Variants in GPHN observed in about 807,000 individuals in gnomAD.
GPHN encodes the protein gephyrin.
GPHN carries 17 observed loss-of-function variants against 95.5 expected under a neutral mutation model. That is an observed-to-expected ratio of 0.18 (90% CI 0.12 to 0.27). The LOEUF is 0.27. Among genes scored for constraint, GPHN ranks in the 10% least tolerant of loss-of-function variants. The probability of loss-of-function intolerance (pLI) is 1.00; values close to 1 mark genes in which losing one functional copy is unlikely to be tolerated. For missense variants in GPHN, 660 were observed against 978.1 expected (o/e 0.67, Z 4.34); for synonymous variants, 320 against 322.5 (o/e 0.99, Z 0.08).
the GPHN span, among the ~76,000 whole-genome samples, chr14:67,251,299 G>A: frequency 2.6e-5 from 4 of 152,170 alleles, no homozygotes; most frequent in African/African-American, 4.8e-5. Flanking sequence ...TTTGGAGGCC[G>A]AGGCAGGAGG....
chr14:67,417,928 A>G, the GPHN span, among the ~76,000 whole-genome samples: 6 of 150,726 alleles, frequency 4.0e-5, no homozygotes, highest in African/African-American at 1.5e-4. Context: ...ATGTTTTTGT[A>G]GAGACAGAGG....
In GPHN at chr14:66,991,318, T is replaced by C. The variant is rs186863729; in HGVS notation, c.963+25993T>C. On this transcript the variant is annotated intron_variant, in intron 9 of 22. Coordinates refer to ENST00000478722, the MANE Select transcript of GPHN (RefSeq NM_020806.5). Reference sequence around the variant, plus strand: ...ACAAAAATTACTACAAATCCTTAGATTGGTGATGTGCTGATAGTAACTGAA... The same window carrying C: ...ACAAAAATTACTACAAATCCTTAGACTGGTGATGTGCTGATAGTAACTGAA... Among the ~76,000 whole-genome samples, 5 of 152,142 alleles carry C rather than the reference T, an allele frequency of 3.3e-5. No homozygotes were observed. The East Asian group carries it at 7.7e-4, about 24-fold the overall frequency.
chr14:66,545,328 CA>C (rs2059518889), intron 1 of GPHN, among the ~76,000 whole-genome samples: 1 of 129,968 alleles, frequency 7.7e-6, no homozygotes. Flanking sequence ...GCTGGCCGGG[CA>C]GGGGGCTGAC....
At chr14:67,425,737 C>T in the GPHN span, among the ~76,000 whole-genome samples, 1 of 151,950 alleles carries the variant, frequency 6.6e-6, no homozygotes, top group Non-Finnish European at 1.5e-5. Flanking sequence ...CACAGGGGAA[C>T]TGGACCTGCT....
chr14:67,695,561 G>A, the GPHN span: 22 of 1,479,548 alleles, frequency 1.5e-5, no homozygotes, highest in Non-Finnish European at 2.0e-5. Flanking sequence ...AAGCTTTGGT[G>A]GGGATTCTAT....
chr14:66,701,743 C>T (rs768808901), intron 2 of GPHN, among the ~76,000 whole-genome samples: 4 of 152,184 alleles, frequency 2.6e-5, no homozygotes, highest in Non-Finnish European at 5.9e-5. Context: ...TCAACAGCCT[C>T]TCAGCTAGAA....
chr14:67,298,848 C>T, the GPHN span, among the ~76,000 whole-genome samples: 2 of 152,136 alleles, frequency 1.3e-5, no homozygotes, highest in Non-Finnish European at 2.9e-5. Flanking sequence ...ATCCTCAGGC[C>T]CTATGAATAT....
intron 4 of GPHN, among the ~76,000 whole-genome samples, chr14:66,872,803 G>A (rs2063494389): frequency 6.6e-6 from 1 of 151,472 alleles, no homozygotes; most frequent in Non-Finnish European, 1.5e-5. Context: ...GCTGAGGTAG[G>A]AGAAACACTT....
chr14:67,355,624 G>A, the GPHN span, among the ~76,000 whole-genome samples: 1,167 of 152,132 alleles, frequency 7.7e-3, 14 homozygotes, highest in African/African-American at 0.025. Flanking sequence ...ACAGCCAAAG[G>A]AGCCAGTTAT....
the GPHN span, among the ~76,000 whole-genome samples, chr14:67,436,572 G>A: frequency 6.6e-6 from 1 of 152,164 alleles, no homozygotes; most frequent in Non-Finnish European, 1.5e-5. Flanking sequence ...CAGGACACCA[G>A]AGTGGGCATT....
the GPHN span, among the ~76,000 whole-genome samples, chr14:67,717,138 T>C: frequency 2.0e-5 from 3 of 152,062 alleles, no homozygotes; most frequent in African/African-American, 7.2e-5. Context: ...ATTTATTTAG[T>C]TTTTTTTCCT....
the GPHN span, chr14:67,575,623 G>A: frequency 1.4e-6 from 1 of 718,572 alleles, no homozygotes. Context: ...GTGAGATTCT[G>A]CCTGTCTGGG....
chr14:67,224,107 G>A, the GPHN span: 8 of 693,638 alleles, frequency 1.2e-5, no homozygotes, highest in Non-Finnish European at 1.4e-5. Context: ...CCTCTCAGCA[G>A]TTTGCGAAAG....
At chr14:66,941,762 C>T (rs1245084984) in intron 8 of GPHN, among the ~76,000 whole-genome samples, 3 of 151,968 alleles carry the variant, frequency 2.0e-5, no homozygotes, top group Non-Finnish European at 4.4e-5. Context: ...ATCCAAACAA[C>T]TATATTGCCA....
chr14:67,198,990 C>T, the GPHN span: 1 of 704,884 alleles, frequency 1.4e-6, no homozygotes, highest in African/African-American at 1.7e-5. Flanking sequence ...CAGCTGATTT[C>T]ACAGAGGGGT....
chr14:67,336,704 C>CAA, the GPHN span: 1 of 455,710 alleles, frequency 2.2e-6, no homozygotes. Context: ...TCCTCATCTG[C>CAA]AAAGTGGAGA....
At chr14:67,339,476 C>A in the GPHN span, among the ~76,000 whole-genome samples, 7 of 152,154 alleles carry the variant, frequency 4.6e-5, no homozygotes, top group South Asian at 4.2e-4. Flanking sequence ...AGGTCTAAGA[C>A]CCCCCATGCC....
the GPHN span, among the ~76,000 whole-genome samples, chr14:67,297,443 T>C: frequency 6.9e-3 from 1,051 of 152,324 alleles, 17 homozygotes; most frequent in African/African-American, 0.024. Flanking sequence ...TTTTTTTGTG[T>C]TTCTCAAATT....
chr14:66,532,838 A>G (rs906861561), intron 1 of GPHN, among the ~76,000 whole-genome samples: 3 of 152,182 alleles, frequency 2.0e-5, no homozygotes, highest in Non-Finnish European at 4.4e-5. Flanking sequence ...AAACAGTGTC[A>G]ACACTTCCCT....
Sources: gnomAD v4.1 joint callset for allele counts (sites outside exome capture counted in the v4.1 genomes callset) on GRCh38, gnomAD v4.1.1 for gene constraint, MANE v1.5 for transcripts, NCBI Gene and HGNC (gene_info 2026-07-23, HGNC 2026-07-21) for gene names.